The following RHOU variants were observed in gnomAD, a reference collection of about 807,000 sequenced individuals.
RHOU encodes ras homolog family member U, also known as rho-related GTP-binding protein RhoU.
RHOU carries 8 observed loss-of-function variants against 12.6 expected under a neutral mutation model. The observed-to-expected ratio is 0.64, with a 90% CI of 0.37 to 1.15. The LOEUF (loss-of-function observed/expected upper bound fraction) is 1.15. Ranked by LOEUF, RHOU falls within the 50% of genes most tolerant of loss-of-function variation. RHOU has a pLI of 0.01. For synonymous variants in RHOU, 161 were observed against 147.4 expected, an observed-to-expected ratio of 1.09 and a Z score of -0.67; for missense variants, 258 against 347.0, an observed-to-expected ratio of 0.74 and a Z score of 2.04.
At chr1:228,687,514 G>A in the RHOU span, 10 of 1,581,530 alleles carry the variant, frequency 6.3e-6, no homozygotes, top group South Asian at 3.3e-5. Flanking sequence ...CGAGGTGGCC[G>A]AATCTTCCTT....
At chr1:228,647,319 G>A in the RHOU span, among the ~76,000 whole-genome samples, 15 of 152,330 alleles carry the variant, frequency 9.8e-5, no homozygotes, top group African/African-American at 1.4e-4. Context: ...GGTGCAGTGG[G>A]CCCCGAGATT....
the RHOU span, among the ~76,000 whole-genome samples, chr1:228,694,204 G>A: frequency 6.6e-6 from 1 of 152,120 alleles, no homozygotes; most frequent in Non-Finnish European, 1.5e-5. Flanking sequence ...GAGTGGATAC[G>A]GTTACATTTA....
chr1:228,674,192 C>A, the RHOU span, among the ~76,000 whole-genome samples: 1 of 152,078 alleles, frequency 6.6e-6, no homozygotes, highest in Non-Finnish European at 1.5e-5. Context: ...ATATCTTGGC[C>A]ATTTTTCTAT....
the RHOU span, among the ~76,000 whole-genome samples, chr1:228,712,725 G>C: frequency 2.0e-5 from 3 of 150,410 alleles, no homozygotes; most frequent in Non-Finnish European, 4.4e-5. Flanking sequence ...ACGAGTTAGT[G>C]GGTGCAGCGC....
chr1:228,707,127 C>CATATATATATATATATATGT, the RHOU span, among the ~76,000 whole-genome samples: 1 of 76,796 alleles, frequency 1.3e-5, no homozygotes. Flanking sequence ...TATATATATA[C>CATATATATATATATATATGT]ATATATATAT....
the RHOU span, among the ~76,000 whole-genome samples, chr1:228,722,385 T>C: frequency 6.6e-6 from 1 of 152,206 alleles, no homozygotes; most frequent in African/African-American, 2.4e-5. Context: ...CCTCTCATCC[T>C]TCGTTGCTGA....
Position 228,737,814 on chromosome 1 carries a change from G to A in RHOU, c.321+83G>A. On this transcript the variant is annotated intron_variant, in intron 2 of 2. Transcript: ENST00000366691. This position sits in a 1 kb window ranked among gnomAD's most constrained non-coding sequence, Gnocchi z 4.1. ...AAATAACCTTTGATTCCCTCAGTCA[G>A]TAACTGGGTCATTCTAAAGCCTCAT... The A allele has an allele frequency of 7.0e-7, 1 of 1,428,928 alleles. No individual in the cohort carries two copies. The highest frequency in any genetic ancestry group is 1.7e-5 in the Admixed American group (1 of 58,172). The allele number at this position is 1,428,928 out of a possible 1,614,324, so 88.5% of individuals were successfully genotyped here.
At chr1:228,700,636 A>G in the RHOU span, among the ~76,000 whole-genome samples, 1 of 152,216 alleles carries the variant, frequency 6.6e-6, no homozygotes, top group African/African-American at 2.4e-5. Flanking sequence ...GGACATAATA[A>G]CCATAATTAT....
rs1227257689 is a variant in RHOU at position 228,735,829 on chromosome 1, G to T, written c.87G>T (p.Gly29=). The T allele has an allele frequency of 2.9e-5, 36 of 1,231,444 alleles. No individual in the cohort carries two copies. The highest frequency in any genetic ancestry group is 3.4e-5 in the Non-Finnish European group (34 of 988,454). 76.3% of individuals were successfully genotyped at this position (1,231,444 alleles called of 1,614,324 possible). A position where few individuals can be genotyped will look rare whatever the true frequency, so the allele number is the denominator to read the frequency against. ...CGCGTCGGGAGCGCGGTGGACGCGGGGGACGCGGGCCTGGGGAGCCGGGGG... is the reference window on the plus strand; with the variant it reads ...CGCGTCGGGAGCGCGGTGGACGCGGTGGACGCGGGCCTGGGGAGCCGGGGG... ...VPPRRERGGR[G]GRGPGEPGGR... Residue 29 remains glycine (G), a synonymous_variant, in exon 1 of 3, where the codon GGG becomes GGT. Transcript: ENST00000366691. This position sits in a 1 kb window ranked among gnomAD's most constrained non-coding sequence, Gnocchi z 8.1.
chr1:228,697,210 G>T, the RHOU span, among the ~76,000 whole-genome samples: 11 of 152,322 alleles, frequency 7.2e-5, no homozygotes, highest in East Asian at 2.1e-3. Flanking sequence ...GAAACACAGA[G>T]ATGTGTCAAA....
chr1:228,695,054 C>G, the RHOU span, among the ~76,000 whole-genome samples: 1 of 152,148 alleles, frequency 6.6e-6, no homozygotes, highest in Admixed American at 6.5e-5. Flanking sequence ...TCTGCAACCT[C>G]CGCCTCCCAG....
chr1:228,741,017 T>A (rs1182544823), intron 2 of RHOU, among the ~76,000 whole-genome samples: 1 of 152,128 alleles, frequency 6.6e-6, no homozygotes, highest in East Asian at 1.9e-4. Context: ...TAGGAGTAGT[T>A]CACTGGAGAG....
At chr1:228,717,741 C>G in the RHOU span, among the ~76,000 whole-genome samples, 1 of 152,334 alleles carries the variant, frequency 6.6e-6, no homozygotes, top group Non-Finnish European at 1.5e-5. Flanking sequence ...CCAGTCATTT[C>G]AGTTAATGAG....
chr1:228,722,586 A>G, the RHOU span, among the ~76,000 whole-genome samples: 4 of 152,020 alleles, frequency 2.6e-5, no homozygotes, highest in African/African-American at 9.6e-5. Context: ...AGTCAATGAT[A>G]AGTTCGGTTT....
At chr1:228,662,122 A>G in the RHOU span, among the ~76,000 whole-genome samples, 3 of 152,224 alleles carry the variant, frequency 2.0e-5, no homozygotes, top group African/African-American at 7.2e-5. Flanking sequence ...AATCAAAACC[A>G]CAATGAGATA....
chr1:228,705,904 G>C, the RHOU span, among the ~76,000 whole-genome samples: 1 of 152,156 alleles, frequency 6.6e-6, no homozygotes, highest in Admixed American at 6.5e-5. Flanking sequence ...AATTAGCCGG[G>C]CACGATGGCA....
chr1:228,681,019 C>A, the RHOU span, among the ~76,000 whole-genome samples: 1 of 152,172 alleles, frequency 6.6e-6, no homozygotes, highest in Non-Finnish European at 1.5e-5. Context: ...CTTTCCCATT[C>A]ATCTGGGGAG....
chr1:228,649,500 G>A, the RHOU span, among the ~76,000 whole-genome samples: 1 of 152,174 alleles, frequency 6.6e-6, no homozygotes, highest in Non-Finnish European at 1.5e-5. Flanking sequence ...GCGCTTAAAA[G>A]GGTTAAGGGT....
chr1:228,658,624 C>T, the RHOU span, among the ~76,000 whole-genome samples: 2 of 152,126 alleles, frequency 1.3e-5, no homozygotes, highest in Non-Finnish European at 2.9e-5. Flanking sequence ...GCAACATGAA[C>T]AAATTAAGAT....
Sources: allele counts gnomAD v4.1 joint callset (sites outside exome capture counted in the v4.1 genomes callset), GRCh38; gene constraint gnomAD v4.1.1; non-coding constraint Gnocchi (gnomAD v3.1); transcripts MANE v1.5; gene names NCBI Gene and HGNC (gene_info 2026-07-23, HGNC 2026-07-21).